The following CNNM2 variants were observed in gnomAD, a reference collection of about 807,000 sequenced individuals.
The protein encoded by CNNM2 is cyclin and CBS domain divalent metal cation transport mediator 2.
CNNM2 carries 12 observed loss-of-function variants against 66.9 expected under a neutral mutation model. The observed-to-expected ratio is 0.18, with a 90% CI of 0.11 to 0.29. CNNM2 has a LOEUF of 0.29. Among genes scored for constraint, CNNM2 ranks in the 10% least tolerant of loss-of-function variants. The probability of loss-of-function intolerance (pLI) is 1.00; values close to 1 mark genes in which losing one functional copy is unlikely to be tolerated. For synonymous variants in CNNM2, 557 were observed against 501.8 expected (o/e 1.11, Z -1.47); for missense variants, 705 against 1,167.7 (o/e 0.60, Z 5.77).
chr10:103,040,136 C>T (rs2065013374), intron 1 of CNNM2, among the ~76,000 whole-genome samples: 2 of 152,002 alleles, frequency 1.3e-5, no homozygotes, highest in African/African-American at 2.4e-5. Context: ...CACTGCAGTT[C>T]AGCCTGCTTA....
intron 1 of CNNM2, among the ~76,000 whole-genome samples, chr10:103,038,586 C>T (rs529658191): frequency 6.6e-6 from 1 of 152,324 alleles, no homozygotes; most frequent in South Asian, 2.1e-4. Context: ...AAATAAACCT[C>T]TACCCTCACC....
chr10:102,978,403 C>T (rs767315595), intron 1 of CNNM2, among the ~76,000 whole-genome samples: 22 of 151,826 alleles, frequency 1.4e-4, no homozygotes, highest in African/African-American at 4.1e-4. Context: ...TTTATGACTT[C>T]GATTCTCTTA....
At chr10:102,983,048 A>G (rs1166800637) in intron 1 of CNNM2, among the ~76,000 whole-genome samples, 1 of 152,112 alleles carries the variant, frequency 6.6e-6, no homozygotes, top group African/African-American at 2.4e-5. Flanking sequence ...CATAATTTGA[A>G]AGGAGACCCA....
intron 1 of CNNM2, among the ~76,000 whole-genome samples, chr10:102,986,028 T>A (rs1221774952): frequency 6.6e-6 from 1 of 152,206 alleles, no homozygotes; most frequent in Non-Finnish European, 1.5e-5. Flanking sequence ...ACCTGTCATG[T>A]TCAGTACCTG....
intron 1 of CNNM2, among the ~76,000 whole-genome samples, chr10:102,995,550 ATTTG>A (rs935986002): frequency 8.6e-5 from 13 of 151,486 alleles, no homozygotes; most frequent in African/African-American, 3.2e-4. Context: ...TTAAAATAAT[ATTTG>A]TTCTATTATA....
rs2134150393 is a variant in CNNM2 at position 102,919,504 on chromosome 10, C to T, written c.1024C>T (p.Leu342Phe). The T allele has an allele frequency of 3.7e-6, 6 of 1,612,866 alleles. No individual in the cohort carries two copies. The highest frequency in any genetic ancestry group is 5.1e-6 in the Non-Finnish European group (6 of 1,180,032). The change falls in exon 1 of 8, where the codon CTC becomes TTC. Residue 342 changes from leucine (L) to phenylalanine (F), a missense_variant. Leu to Phe is a conservative substitution (Grantham distance 22). Coordinates refer to ENST00000369878, the MANE Select transcript of CNNM2 (RefSeq NM_017649.5). ...GCTCGACGACATCGCCGGCTCGGGCCTCGTGGCCGTGGTAGTCTCCACCAT... is the reference window on the plus strand; with the variant it reads ...GCTCGACGACATCGCCGGCTCGGGCTTCGTGGCCGTGGTAGTCTCCACCAT... ...ILLDDIAGSG[L>F]VAVVVSTIGI... is the part of the protein sequence containing the mutation.
At chr10:103,039,807 T>C (rs140039527) in intron 1 of CNNM2, among the ~76,000 whole-genome samples, 8 of 152,156 alleles carry the variant, frequency 5.3e-5, no homozygotes, top group Middle Eastern at 3.4e-3. Flanking sequence ...CTAGGTGTTC[T>C]GGGAGAAAGG....
chr10:103,072,090 C>T (rs1227064592), intron 6 of CNNM2, among the ~76,000 whole-genome samples: 1 of 152,146 alleles, frequency 6.6e-6, no homozygotes, highest in East Asian at 1.9e-4. Context: ...AAAGGGAGGG[C>T]GGCTCTGGTG....
At chr10:103,033,737 G>A (rs905432354) in intron 1 of CNNM2, among the ~76,000 whole-genome samples, 8 of 152,130 alleles carry the variant, frequency 5.3e-5, no homozygotes, top group Admixed American at 2.6e-4. Flanking sequence ...CGCCTGCCTC[G>A]GCCTCCCAAA....
chr10:103,057,014 T>A (rs1341949041), intron 4 of CNNM2, 50 bp downstream of exon 4: 34 of 1,566,754 alleles, frequency 2.2e-5, no homozygotes, highest in Non-Finnish European at 2.9e-5. Flanking sequence ...TATCCATCTT[T>A]CAGTTTGGTG....
intron 1 of CNNM2, among the ~76,000 whole-genome samples, chr10:103,040,167 A>C (rs2065014341): frequency 6.6e-6 from 1 of 152,088 alleles, no homozygotes; most frequent in African/African-American, 2.4e-5. Context: ...ACTCCATCTC[A>C]AAAAACAAAA....
chr10:103,040,034 G>A (rs1018262373), intron 1 of CNNM2, among the ~76,000 whole-genome samples: 1 of 152,048 alleles, frequency 6.6e-6, no homozygotes, highest in African/African-American at 2.4e-5. Flanking sequence ...AGGCATGGTG[G>A]TGCATGCCTG....
At chr10:103,028,119 A>G (rs1274463873) in intron 1 of CNNM2, among the ~76,000 whole-genome samples, 3 of 152,208 alleles carry the variant, frequency 2.0e-5, no homozygotes, top group Non-Finnish European at 2.9e-5. Context: ...TGAACATTGT[A>G]TCAGGAACTG....
At chr10:103,014,756 G>C (rs1336365071) in intron 1 of CNNM2, among the ~76,000 whole-genome samples, 1 of 152,130 alleles carries the variant, frequency 6.6e-6, no homozygotes, top group African/African-American at 2.4e-5. Flanking sequence ...GCTGGGTGCA[G>C]TGGCTCATGC....
chr10:103,045,411 A>G (rs1043478969), intron 1 of CNNM2, among the ~76,000 whole-genome samples: 1 of 152,210 alleles, frequency 6.6e-6, no homozygotes, highest in Non-Finnish European at 1.5e-5. Context: ...AAGCTGACTT[A>G]GACTGCCAAG....
intron 1 of CNNM2, among the ~76,000 whole-genome samples, chr10:102,948,498 G>C (rs963618069): frequency 6.6e-6 from 1 of 152,152 alleles, no homozygotes; most frequent in African/African-American, 2.4e-5. Context: ...AATAATTTGT[G>C]TGTGTGCATG....
At chr10:102,982,117 T>G (rs1039780960) in intron 1 of CNNM2, among the ~76,000 whole-genome samples, 2 of 152,174 alleles carry the variant, frequency 1.3e-5, no homozygotes, top group African/African-American at 4.8e-5. Context: ...GAGAAAAAAT[T>G]TAAGATATTT....
At chr10:103,063,732 T>C (rs2134352192) in intron 4 of CNNM2, among the ~76,000 whole-genome samples, 1 of 152,352 alleles carries the variant, frequency 6.6e-6, no homozygotes, top group East Asian at 1.9e-4. Flanking sequence ...GAAGCCCTAC[T>C]TCCCTCTGGG....
chr10:102,958,863 C>A (rs958915202), intron 1 of CNNM2, among the ~76,000 whole-genome samples: 19 of 152,018 alleles, frequency 1.2e-4, no homozygotes, highest in Admixed American at 1.2e-3. Context: ...TAAATGATGG[C>A]CAGAAGTTAG....
Sources: gnomAD v4.1 joint callset for allele counts (sites outside exome capture counted in the v4.1 genomes callset) on GRCh38, gnomAD v4.1.1 for gene constraint, MANE v1.5 for transcripts, NCBI Gene and HGNC (gene_info 2026-07-23, HGNC 2026-07-21) for gene names.